Variants in PRKN observed in about 807,000 individuals in gnomAD.
PRKN encodes parkin RBR E3 ubiquitin protein ligase, also known as E3 ubiquitin-protein ligase parkin.
Under a neutral mutation model 59.5 loss-of-function variants are expected in PRKN, and 56 were observed. The observed-to-expected ratio is 0.94, with a 90% CI of 0.76 to 1.18. The LOEUF (loss-of-function observed/expected upper bound fraction) is 1.18, where lower values mean the gene tolerates loss of function less well. Among genes scored for constraint, PRKN ranks in the 50% most tolerant of loss-of-function variants. PRKN has a pLI of 0.00. For missense variants in PRKN, 657 were observed against 596.4 expected, an observed-to-expected ratio of 1.10 and a Z score of -1.06; for synonymous variants, 250 against 222.1, an observed-to-expected ratio of 1.13 and a Z score of -1.12.
Position 161,550,283 on chromosome 6 carries a change from C to T in PRKN, c.934-1280G>A, listed in dbSNP as rs1056733957. Among the ~76,000 whole-genome samples the T allele has an allele frequency of 6.6e-6, 1 of 152,172 alleles. No individual in the cohort carries two copies. The highest frequency in any genetic ancestry group is 1.5e-5 in the Non-Finnish European group (1 of 68,042). The stretch of plus-strand genomic sequence containing the variant: ...GGATCTAGAATATGTAGTTCCCTGA[C>T]AGCTGCTTTCAGAACCCTGGGTGTT... On this transcript the variant is annotated intron_variant, in intron 8 of 11. Coordinates refer to ENST00000366898, the MANE Select transcript of PRKN (RefSeq NM_004562.3). The surrounding 1 kb of genome is among the most constrained non-coding windows in gnomAD (Gnocchi z 4.0).
intron 6 of PRKN, among the ~76,000 whole-genome samples, chr6:161,893,623 A>T (rs1777499171): frequency 6.6e-6 from 1 of 152,196 alleles, no homozygotes; most frequent in Non-Finnish European, 1.5e-5. Flanking sequence ...TGGACCAGTC[A>T]GTAGTATCCA....
At chr6:161,653,166 T>A (rs1051606320) in intron 7 of PRKN, among the ~76,000 whole-genome samples, 1 of 151,864 alleles carries the variant, frequency 6.6e-6, no homozygotes, top group Non-Finnish European at 1.5e-5. Context: ...ATCGAGACCA[T>A]CCTGGCCAAC....
intron 1 of PRKN, among the ~76,000 whole-genome samples, chr6:162,578,046 C>G (rs1162853820): frequency 3.9e-5 from 6 of 152,130 alleles, no homozygotes; most frequent in African/African-American, 1.4e-4. Context: ...GCACTCGCAA[C>G]CACTGATGAC....
At position 161,419,171 on chromosome 6, in the gene PRKN, C is replaced by G. The variant is rs559785968; in HGVS notation, c.1084-32294G>C. 6.2e-4 allele frequency among the ~76,000 whole-genome samples: 95 copies of G among 152,296 alleles called. No homozygotes were observed. The highest frequency in any genetic ancestry group is 2.2e-3 in the African/African-American group (93 of 41,554). Reference sequence around the variant, plus strand: ...ATGGTGAGAATCCTTTACGAGCTAACGTGCTACACAGAGTTTGATGCTTCT... The same window carrying G: ...ATGGTGAGAATCCTTTACGAGCTAAGGTGCTACACAGAGTTTGATGCTTCT... On this transcript the variant is annotated intron_variant, in intron 9 of 11. Transcript: ENST00000366898. This position sits in a 1 kb window ranked among gnomAD's most constrained non-coding sequence, Gnocchi z 4.1.
intron 2 of PRKN, among the ~76,000 whole-genome samples, chr6:162,401,532 C>T (rs1004274896): frequency 1.3e-5 from 2 of 152,068 alleles, no homozygotes; most frequent in African/African-American, 4.8e-5. Context: ...TTAAATATCT[C>T]ATGTAATTTA....
chr6:162,431,211 C>A (rs1319846863), intron 2 of PRKN, among the ~76,000 whole-genome samples: 1 of 119,698 alleles, frequency 8.4e-6, no homozygotes, highest in Admixed American at 7.6e-5. Context: ...GACTTGGTTG[C>A]CTTGTGGAGA....
At chr6:162,433,490 A>G (rs750439156) in intron 2 of PRKN, among the ~76,000 whole-genome samples, 2 of 152,164 alleles carry the variant, frequency 1.3e-5, no homozygotes, top group Non-Finnish European at 2.9e-5. Flanking sequence ...GGCATCATAA[A>G]ACTCCCTTGG....
intron 7 of PRKN, among the ~76,000 whole-genome samples, chr6:161,608,926 G>A (rs1396861496): frequency 1.3e-5 from 2 of 152,118 alleles, no homozygotes; most frequent in African/African-American, 4.8e-5. Context: ...AGCTTAGGTT[G>A]TCATCCAGGT....
intron 4 of PRKN, among the ~76,000 whole-genome samples, chr6:162,193,898 C>T (rs543276416): frequency 2.6e-5 from 4 of 152,150 alleles, no homozygotes; most frequent in African/African-American, 9.6e-5. Context: ...CTAAAATGCT[C>T]CTAGGAAGAG....
At chr6:162,640,523 G>C (rs1024930885) in intron 1 of PRKN, among the ~76,000 whole-genome samples, 4 of 152,060 alleles carry the variant, frequency 2.6e-5, no homozygotes, top group African/African-American at 9.7e-5. Context: ...AAGGAGAAAG[G>C]GTTTCCTCAT....
intron 1 of PRKN, among the ~76,000 whole-genome samples, chr6:162,535,372 C>A (rs985930581): frequency 5.9e-5 from 9 of 152,008 alleles, no homozygotes; most frequent in African/African-American, 2.2e-4. Context: ...AATATTTTGT[C>A]CAATGTCTTT....
At chr6:161,991,871 A>G (rs1781661687) in intron 5 of PRKN, among the ~76,000 whole-genome samples, 2 of 151,978 alleles carry the variant, frequency 1.3e-5, no homozygotes, top group Non-Finnish European at 2.9e-5. Context: ...AAGCAACAAC[A>G]AAAAAATGGC....
intron 1 of PRKN, among the ~76,000 whole-genome samples, chr6:162,715,371 C>A (rs1778683862): frequency 6.6e-6 from 1 of 152,136 alleles, no homozygotes; most frequent in African/African-American, 2.4e-5. Flanking sequence ...AGTAAAGATA[C>A]ACTATAAAGA....
intron 4 of PRKN, among the ~76,000 whole-genome samples, chr6:162,199,932 G>C (rs1003950056): frequency 6.6e-6 from 1 of 152,050 alleles, no homozygotes; most frequent in African/African-American, 2.4e-5. Context: ...CTGCGAACCA[G>C]ATGAAATGCG....
intron 6 of PRKN, among the ~76,000 whole-genome samples, chr6:161,873,362 C>T (rs947705914): frequency 6.6e-6 from 1 of 151,840 alleles, no homozygotes; most frequent in Non-Finnish European, 1.5e-5. Context: ...TATACTGTGG[C>T]GTGTTTGGAA....
intron 4 of PRKN, among the ~76,000 whole-genome samples, chr6:162,124,926 A>G (rs572222681): frequency 5.9e-4 from 90 of 152,288 alleles, no homozygotes; most frequent in African/African-American, 2.1e-3. Flanking sequence ...GAAATCCCTC[A>G]GTCAAGTGTC....
At chr6:162,600,249 T>C (rs1379873650) in intron 1 of PRKN, among the ~76,000 whole-genome samples, 1 of 152,156 alleles carries the variant, frequency 6.6e-6, no homozygotes, top group Non-Finnish European at 1.5e-5. Flanking sequence ...TCGTGTTCAG[T>C]TCCTTTCAAC....
chr6:161,604,651 T>C (rs895642458), intron 7 of PRKN, among the ~76,000 whole-genome samples: 20 of 152,148 alleles, frequency 1.3e-4, no homozygotes, highest in Admixed American at 5.9e-4. Flanking sequence ...ATCTGACACA[T>C]TGGCAAGCAT....
intron 6 of PRKN, among the ~76,000 whole-genome samples, chr6:161,936,018 C>T (rs898732329): frequency 6.6e-6 from 1 of 152,228 alleles, no homozygotes; most frequent in African/African-American, 2.4e-5. Context: ...AAAAGTGGAG[C>T]TTTCAATGGA....
Sources: gnomAD v4.1 joint callset for allele counts (sites outside exome capture counted in the v4.1 genomes callset) on GRCh38, gnomAD v4.1.1 for gene constraint, Gnocchi (gnomAD v3.1) non-coding constraint, MANE v1.5 for transcripts, NCBI Gene and HGNC (gene_info 2026-07-23, HGNC 2026-07-21) for gene names.